The following GYG1 variants were observed in gnomAD, a reference collection of about 807,000 sequenced individuals.
The protein encoded by GYG1 is glycogenin-1.
In GYG1, 44 loss-of-function variants were observed where a neutral mutation model predicts 41.9. That is an observed-to-expected ratio of 1.05 (90% CI 0.83 to 1.35). GYG1 has a LOEUF of 1.35. GYG1 is among the 40% of genes most tolerant of loss of function. The pLI is 0.00. For synonymous variants in GYG1, 141 were observed against 158.1 expected, an observed-to-expected ratio of 0.89 and a Z score of 0.81; for missense variants, 429 against 418.9, an observed-to-expected ratio of 1.02 and a Z score of -0.21.
chr3:149,014,584 C>T (rs1462549958), intron 5 of GYG1, among the ~76,000 whole-genome samples: 1 of 151,196 alleles, frequency 6.6e-6, no homozygotes, highest in African/African-American at 2.4e-5. Flanking sequence ...CTCTTGAGCC[C>T]AAGAAGACAT....
At chr3:149,022,261 T>A (rs1458329319) in intron 5 of GYG1, among the ~76,000 whole-genome samples, 1 of 152,170 alleles carries the variant, frequency 6.6e-6, no homozygotes, top group Non-Finnish European at 1.5e-5. Context: ...CCTACTTTTT[T>A]AAAGATATTC....
intron 5 of GYG1, among the ~76,000 whole-genome samples, chr3:149,013,032 T>TGTGTGTGC (rs61477065): frequency 6.6e-6 from 1 of 150,826 alleles, no homozygotes; most frequent in African/African-American, 2.4e-5. Flanking sequence ...TGTGTGTGTG[T>TGTGTGTGC]TTTATAGAGA....
rs1203510184 is a variant in GYG1 at position 149,009,358 on chromosome 3, C to G, written c.564C>G (p.Asn188Lys). 6.2e-7 allele frequency: 1 copy of G among 1,610,614 alleles called. No individual in the cohort carries two copies. The highest frequency in any genetic ancestry group is 1.3e-5 in the African/African-American group (1 of 74,904). The change falls in exon 5 of 8, where the codon AAC becomes AAG. Residue 188 changes from asparagine to lysine, a missense_variant. Physicochemically the swap from Asn to Lys is moderately conservative, Grantham distance 94. Transcript: ENST00000345003. ...DIRKHLPFIY[N>K]LSSISIYSYL... ...GAAAACACCTGCCGTTTATTTATAA[C>G]CTAAGCAGCATCTCTATATACTCCT...
intron 5 of GYG1, among the ~76,000 whole-genome samples, chr3:149,017,493 A>G (rs536399591): frequency 6.6e-6 from 1 of 151,082 alleles, no homozygotes; most frequent in South Asian, 2.1e-4. Flanking sequence ...GGTTGAGGTC[A>G]GTTCAACGCT....
At chr3:149,005,632 G>A (rs1015174438) in intron 4 of GYG1, among the ~76,000 whole-genome samples, 30 of 152,120 alleles carry the variant, frequency 2.0e-4, no homozygotes, top group African/African-American at 7.2e-4. Flanking sequence ...ATTTGCCTAT[G>A]TGTAAGGCAT....
intron 4 of GYG1, among the ~76,000 whole-genome samples, chr3:148,997,158 T>C (rs1304791488): frequency 3.3e-5 from 5 of 152,158 alleles, no homozygotes; most frequent in African/African-American, 1.2e-4. Context: ...TGTCTTTAAG[T>C]TGTCTTCCTG....
chr3:149,012,600 C>T (rs1464974964), intron 5 of GYG1, among the ~76,000 whole-genome samples: 1 of 152,140 alleles, frequency 6.6e-6, no homozygotes, highest in African/African-American at 2.4e-5. Flanking sequence ...CAAAATAGCA[C>T]ATCTAGTGCC....
intron 5 of GYG1, among the ~76,000 whole-genome samples, chr3:149,022,864 G>C (rs1436074970): frequency 1.3e-5 from 2 of 152,036 alleles, no homozygotes; most frequent in Non-Finnish European, 2.9e-5. Flanking sequence ...CAACAGAAAT[G>C]TTTTAAAAAT....
chr3:148,997,054 TTG>T lies in GYG1; in HGVS notation c.481+178_481+179del, dbSNP rs10571382. 140,907 of 595,546 alleles carry T rather than the reference TTG, an allele frequency of 0.24. 7,736 individuals are homozygous for T. Among genetic ancestry groups the T allele is most frequent in the East Asian group, 0.37 (12,218 of 33,440 alleles). The allele number at this position is 595,546 out of a possible 1,614,324, so 36.9% of individuals were successfully genotyped here. On this transcript the variant is annotated intron_variant, in intron 4 of 7. Coordinates refer to ENST00000345003, the MANE Select transcript of GYG1 (RefSeq NM_004130.4). Reference sequence around the variant, plus strand: ...TTAAGTTGTGCTCTTCTGGGAAATATTGTGTGTGTGTGTGTGTGTGTGTGTGT... The same window carrying T: ...TTAAGTTGTGCTCTTCTGGGAAATATTGTGTGTGTGTGTGTGTGTGTGTGT...
intron 5 of GYG1, among the ~76,000 whole-genome samples, chr3:149,016,563 T>C (rs1297403030): frequency 3.3e-5 from 5 of 152,126 alleles, no homozygotes; most frequent in Admixed American, 2.6e-4. Flanking sequence ...TGGGTTCGAG[T>C]GCTGACATTG....
chr3:149,013,132 C>T (rs1433161016), intron 5 of GYG1, among the ~76,000 whole-genome samples: 2 of 151,910 alleles, frequency 1.3e-5, no homozygotes, highest in African/African-American at 2.4e-5. Flanking sequence ...GGATTACAGG[C>T]GTGAGCCACT....
chr3:149,014,884 A>G (rs1043939686), intron 5 of GYG1, among the ~76,000 whole-genome samples: 11 of 143,876 alleles, frequency 7.6e-5, no homozygotes, highest in Non-Finnish European at 3.0e-5. Context: ...AAAAAAAAAA[A>G]GGCATAACTT....
intron 5 of GYG1, among the ~76,000 whole-genome samples, chr3:149,010,732 TTAAC>T (rs1402569099): frequency 3.3e-5 from 5 of 152,218 alleles, no homozygotes; most frequent in Non-Finnish European, 5.9e-5. Flanking sequence ...TCATTTGTGT[TTAAC>T]TAAGAAGATG....
At chr3:148,992,064 C>T (rs1446647588) in intron 1 of GYG1, among the ~76,000 whole-genome samples, 4 of 152,174 alleles carry the variant, frequency 2.6e-5, no homozygotes, top group Admixed American at 2.6e-4. Flanking sequence ...CCCGGAACCC[C>T]AGGAAGCAGG....
At chr3:149,019,615 T>C (rs927342498) in intron 5 of GYG1, among the ~76,000 whole-genome samples, 1 of 152,232 alleles carries the variant, frequency 6.6e-6, no homozygotes. Context: ...TTTTTCACTT[T>C]GTTAGGGTAG....
intron 5 of GYG1, among the ~76,000 whole-genome samples, chr3:149,021,966 T>TACC: frequency 6.6e-6 from 1 of 152,356 alleles, no homozygotes; most frequent in Non-Finnish European, 1.5e-5. Context: ...TAACAGAGGA[T>TACC]ACCTGGTCTA....
rs145168414 is a variant in GYG1, at chr3:149,027,123, T to C, written c.*190T>C. ...GTTGTGAAGCAGCAATTCTGTTATATGGACAGTGTTCTGCTTTTTAATCCT... is the reference window on the plus strand; with the variant it reads ...GTTGTGAAGCAGCAATTCTGTTATACGGACAGTGTTCTGCTTTTTAATCCT... On this transcript the variant is annotated 3_prime_UTR_variant, in exon 8 of 8. Transcript: ENST00000345003. The C allele has an allele frequency of 1.2e-3, 750 of 609,490 alleles. 11 individuals carry two copies. In the East Asian group the frequency reaches 0.019, roughly 16 times the overall value. 37.8% of individuals were successfully genotyped at this position (609,490 alleles called of 1,614,324 possible).
At chr3:149,014,824 C>T (rs1454472230) in intron 5 of GYG1, among the ~76,000 whole-genome samples, 1 of 149,768 alleles carries the variant, frequency 6.7e-6, no homozygotes, top group Non-Finnish European at 1.5e-5. Context: ...GCTGAGATTG[C>T]ACCACTGCAC....
chr3:149,026,572 T>C (rs1237227847), intron 7 of GYG1, 70 bp downstream of exon 7: 8 of 1,092,340 alleles, frequency 7.3e-6, no homozygotes, highest in Non-Finnish European at 1.1e-5. Flanking sequence ...CAAGAAGTCT[T>C]CATTTTGTTA....
Sources: gnomAD v4.1 joint callset for allele counts (sites outside exome capture counted in the v4.1 genomes callset) on GRCh38, gnomAD v4.1.1 for gene constraint, MANE v1.5 for transcripts, NCBI Gene and HGNC (gene_info 2026-07-23, HGNC 2026-07-21) for gene names.